The following RAB3C variants were observed in gnomAD, a reference collection of about 807,000 sequenced individuals.
The protein encoded by RAB3C is ras-related protein Rab-3C.
A neutral mutation model predicts 26.4 loss-of-function variants in RAB3C; 17 were observed. That is an observed-to-expected ratio of 0.64 (90% confidence interval 0.44 to 0.97). RAB3C has a LOEUF of 0.97. Among genes scored for constraint, RAB3C ranks in the 50% least tolerant of loss-of-function variants. The probability of loss-of-function intolerance (pLI) is 0.00; values close to 1 mark genes in which losing one functional copy is unlikely to be tolerated. For synonymous variants in RAB3C, 91 were observed against 95.9 expected (o/e 0.95, Z 0.30); for missense variants, 242 against 281.9 (o/e 0.86, Z 1.01).
At chr5:58,771,104 C>T (rs1421113697) in intron 3 of RAB3C, among the ~76,000 whole-genome samples, 1 of 152,104 alleles carries the variant, frequency 6.6e-6, no homozygotes, top group Non-Finnish European at 1.5e-5. Flanking sequence ...TTTAGCATCA[C>T]CAGCTCCTGC....
intron 4 of RAB3C, chr5:58,848,316 T>G (rs1214713920): frequency 1.3e-5 from 2 of 152,234 alleles, no homozygotes; most frequent in African/African-American, 4.8e-5. Flanking sequence ...TAAATCTAGT[T>G]AATTATTTTC....
intron 2 of RAB3C, among the ~76,000 whole-genome samples, chr5:58,651,249 A>C (rs958846816): frequency 1.4e-4 from 21 of 152,196 alleles, no homozygotes; most frequent in Admixed American, 1.3e-3. Context: ...AGTACCATTG[A>C]CCACTTGCTT....
intron 2 of RAB3C, among the ~76,000 whole-genome samples, chr5:58,704,508 C>T (rs1359044772): frequency 6.6e-6 from 1 of 152,108 alleles, no homozygotes; most frequent in Non-Finnish European, 1.5e-5. Context: ...ATCTAAATAG[C>T]TGAATATAAT....
intron 3 of RAB3C, among the ~76,000 whole-genome samples, chr5:58,775,690 A>G (rs2111993574): frequency 6.6e-6 from 1 of 152,244 alleles, no homozygotes; most frequent in Non-Finnish European, 1.5e-5. Flanking sequence ...AAAATTGATA[A>G]CTAAATTTTT....
intron 3 of RAB3C, among the ~76,000 whole-genome samples, chr5:58,753,058 G>A (rs1289821222): frequency 6.6e-6 from 1 of 151,988 alleles, no homozygotes; most frequent in Non-Finnish European, 1.5e-5. Context: ...ATGGTTAATA[G>A]GATGTTTTGA....
chr5:58,742,809 A>T (rs2111949645), intron 3 of RAB3C, among the ~76,000 whole-genome samples: 1 of 152,330 alleles, frequency 6.6e-6, no homozygotes, highest in African/African-American at 2.4e-5. Context: ...ACCAAATATG[A>T]TTTCATTTAT....
chr5:58,656,269 A>G (rs1747770467), intron 2 of RAB3C, among the ~76,000 whole-genome samples: 1 of 152,194 alleles, frequency 6.6e-6, no homozygotes, highest in Non-Finnish European at 1.5e-5. Context: ...TAAATAAAAC[A>G]TTTCATAATA....
chr5:58,668,403 A>C (rs1032219255), intron 2 of RAB3C, among the ~76,000 whole-genome samples: 1 of 152,316 alleles, frequency 6.6e-6, no homozygotes, highest in East Asian at 1.9e-4. Context: ...GCTTTAAATT[A>C]GATTTAATAT....
rs1176548937 is a variant in RAB3C, at chr5:58,635,043, A to T, written c.252+17173A>T. The stretch of plus-strand genomic sequence containing the variant: ...TTGAATTCAATTAACTAAAGGTACC[A>T]CAGTAAGGTTGATGTTTGATGTAAA... On this transcript the variant is annotated intron_variant, in intron 2 of 4. Transcript: ENST00000282878. 3.9e-5 allele frequency among the ~76,000 whole-genome samples: 6 copies of T among 152,316 alleles called. No individual in the cohort carries two copies. The East Asian group carries it at 9.6e-4, about 24-fold the overall frequency.
chr5:58,816,253 G>C (rs1337918874), intron 3 of RAB3C, among the ~76,000 whole-genome samples: 1 of 152,132 alleles, frequency 6.6e-6, no homozygotes, highest in African/African-American at 2.4e-5. Flanking sequence ...GGGTAAGTGG[G>C]CTGTGAAAGG....
intron 2 of RAB3C, among the ~76,000 whole-genome samples, chr5:58,665,709 G>A (rs1285119511): frequency 1.3e-5 from 2 of 152,096 alleles, no homozygotes; most frequent in African/African-American, 2.4e-5. Flanking sequence ...TCTCCTTGAG[G>A]TCATTCAAAC....
chr5:58,697,113 G>A (rs764298357), intron 2 of RAB3C, among the ~76,000 whole-genome samples: 2 of 152,086 alleles, frequency 1.3e-5, no homozygotes, highest in Admixed American at 6.6e-5. Context: ...AGAGGTTCTG[G>A]TACGTTGTGT....
chr5:58,618,764 G>A (rs1746875974), intron 2 of RAB3C, among the ~76,000 whole-genome samples: 1 of 152,064 alleles, frequency 6.6e-6, no homozygotes, highest in Non-Finnish European at 1.5e-5. Context: ...AGTAAGTTTT[G>A]GCACCTTTTT....
chr5:58,718,725 A>G (rs1579877133), intron 2 of RAB3C, among the ~76,000 whole-genome samples: 1 of 152,006 alleles, frequency 6.6e-6, no homozygotes, highest in Non-Finnish European at 1.5e-5. Context: ...CTGGTTTATT[A>G]GTACTCTTCT....
intron 4 of RAB3C, among the ~76,000 whole-genome samples, chr5:58,846,338 C>T (rs1335264077): frequency 1.3e-5 from 2 of 152,124 alleles, no homozygotes; most frequent in Non-Finnish European, 2.9e-5. Flanking sequence ...AAGCCCCATA[C>T]ACCCCTCTTG....
chr5:58,709,092 C>T (rs1264712509), intron 2 of RAB3C, among the ~76,000 whole-genome samples: 1 of 152,082 alleles, frequency 6.6e-6, no homozygotes. Context: ...ATGGTTGGTT[C>T]ATGTGTAATA....
At chr5:58,611,755 T>G (rs1416001375) in intron 1 of RAB3C, among the ~76,000 whole-genome samples, 1 of 152,172 alleles carries the variant, frequency 6.6e-6, no homozygotes. Flanking sequence ...ATTTGCCAAT[T>G]TTTGCTTTTG....
At chr5:58,600,668 G>A (rs1746432853) in intron 1 of RAB3C, among the ~76,000 whole-genome samples, 1 of 152,108 alleles carries the variant, frequency 6.6e-6, no homozygotes, top group Non-Finnish European at 1.5e-5. Context: ...GTGTATAGAA[G>A]AGGTACTGAT....
chr5:58,729,358 A>G (rs1740955105), intron 3 of RAB3C, among the ~76,000 whole-genome samples: 1 of 151,918 alleles, frequency 6.6e-6, no homozygotes, highest in African/African-American at 2.4e-5. Context: ...ATCCAGCTCC[A>G]GAATTCTTAT....
Sources: allele counts gnomAD v4.1 joint callset (sites outside exome capture counted in the v4.1 genomes callset), GRCh38; gene constraint gnomAD v4.1.1; transcripts MANE v1.5; gene names NCBI Gene and HGNC (gene_info 2026-07-23, HGNC 2026-07-21).